The following MMP16 variants were observed in gnomAD, a reference collection of about 807,000 sequenced individuals.
MMP16 encodes matrix metallopeptidase 16, also known as matrix metalloproteinase-16.
In MMP16, 12 loss-of-function variants were observed where a neutral mutation model predicts 67.8. The observed-to-expected ratio is 0.18, with a 90% CI of 0.11 to 0.29. The LOEUF (loss-of-function observed/expected upper bound fraction) is 0.29. MMP16 is among the 10% of genes least tolerant of loss of function. The pLI is 1.00. For synonymous variants in MMP16, 249 were observed against 255.9 expected (o/e 0.97, Z 0.26); for missense variants, 475 against 765.7 (o/e 0.62, Z 4.48).
At chr8:88,059,808 CTT>C (rs113670595) in intron 7 of MMP16, among the ~76,000 whole-genome samples, 3 of 151,990 alleles carry the variant, frequency 2.0e-5, no homozygotes, top group African/African-American at 4.8e-5. Flanking sequence ...ATGTCTCTCT[CTT>C]GGGAAGATGA....
intron 1 of MMP16, among the ~76,000 whole-genome samples, chr8:88,310,834 T>A (rs1329173042): frequency 6.6e-6 from 1 of 152,170 alleles, no homozygotes; most frequent in Non-Finnish European, 1.5e-5. Context: ...CTAGCAAGTA[T>A]AAATTTGGCC....
chr8:88,309,557 C>T (rs780292514), intron 1 of MMP16, among the ~76,000 whole-genome samples: 8 of 151,892 alleles, frequency 5.3e-5, no homozygotes, highest in Non-Finnish European at 1.2e-4. Context: ...AGATGGACGT[C>T]CTCAAAGAAA....
rs901055894 is a variant in MMP16 at position 88,037,502 on chromosome 8, C to G, written c.*3959G>C. On this transcript the variant is annotated 3_prime_UTR_variant, in exon 10 of 10. Transcript: ENST00000286614. ...AATTTATCACATCGATTCAGAAAAG[C>G]CTTGCCCTCTGATTTATAACAGAAG... 1 of 151,958 alleles carries G rather than the reference C, an allele frequency of 6.6e-6. No homozygotes were observed. The highest frequency in any genetic ancestry group is 2.1e-4 in the South Asian group (1 of 4,828). The allele number at this position is 151,958 out of a possible 1,614,324, so 9.4% of individuals were successfully genotyped here.
At chr8:88,096,146 A>C (rs528818140) in intron 6 of MMP16, among the ~76,000 whole-genome samples, 7 of 152,080 alleles carry the variant, frequency 4.6e-5, no homozygotes, top group Non-Finnish European at 8.8e-5. Flanking sequence ...TATTTGGCAG[A>C]CAATATGATA....
intron 6 of MMP16, among the ~76,000 whole-genome samples, chr8:88,094,938 C>CTTTGG (rs1809000712): frequency 6.6e-6 from 1 of 151,780 alleles, no homozygotes; most frequent in Non-Finnish European, 1.5e-5. Flanking sequence ...AGTTTTCTTT[C>CTTTGG]TTTGGCCTTC....
intron 1 of MMP16, among the ~76,000 whole-genome samples, chr8:88,202,473 T>C (rs1024087923): frequency 6.6e-6 from 1 of 152,162 alleles, no homozygotes; most frequent in Non-Finnish European, 1.5e-5. Flanking sequence ...TGAGCCCCAG[T>C]GTTAAAAAGA....
At chr8:88,318,627 C>T (rs189898051) in intron 1 of MMP16, among the ~76,000 whole-genome samples, 2 of 152,250 alleles carry the variant, frequency 1.3e-5, no homozygotes, top group East Asian at 1.9e-4. Context: ...TAGGCTATCC[C>T]ACTTCAGCAC....
In MMP16 at chr8:88,325,241, C is replaced by T. The variant is rs116483765; in HGVS notation, c.132+1834G>A. On this transcript the variant is annotated intron_variant, in intron 1 of 9. Coordinates refer to ENST00000286614, the MANE Select transcript of MMP16 (RefSeq NM_005941.5). The stretch of plus-strand genomic sequence containing the variant: ...ACTTTTTTGCATAATAATATCTGAA[C>T]TTACTGAGGGATTCCAATATAAAGA... Among the ~76,000 whole-genome samples the T allele has an allele frequency of 5.6e-3, 851 of 152,272 alleles. 6 individuals carry two copies. The highest frequency in any genetic ancestry group is 0.019 in the African/African-American group (809 of 41,542).
At chr8:88,161,193 G>T (rs1429573649) in intron 4 of MMP16, among the ~76,000 whole-genome samples, 1 of 152,096 alleles carries the variant, frequency 6.6e-6, no homozygotes, top group Non-Finnish European at 1.5e-5. Context: ...TTTTTTGGTT[G>T]GTAGGCTATT....
chr8:88,185,877 C>T (rs1475845732), intron 3 of MMP16, among the ~76,000 whole-genome samples: 1 of 152,040 alleles, frequency 6.6e-6, no homozygotes, highest in Admixed American at 6.6e-5. Flanking sequence ...AAACAGGGTC[C>T]TCATGTTTTA....
intron 7 of MMP16, among the ~76,000 whole-genome samples, chr8:88,061,196 C>T (rs987088080): frequency 5.3e-5 from 8 of 151,186 alleles, no homozygotes; most frequent in East Asian, 3.9e-4. Flanking sequence ...GCCCAGATCA[C>T]TTCCTTGCCA....
At chr8:88,047,222 A>T (rs1808210685) in intron 8 of MMP16, among the ~76,000 whole-genome samples, 1 of 152,180 alleles carries the variant, frequency 6.6e-6, no homozygotes, top group African/African-American at 2.4e-5. Flanking sequence ...CTTAAGCAGA[A>T]TCTTGATTTA....
chr8:88,082,823 A>C (rs1808774648), intron 6 of MMP16, among the ~76,000 whole-genome samples: 1 of 150,294 alleles, frequency 6.7e-6, no homozygotes, highest in Admixed American at 6.7e-5. Context: ...AATTGTTAAA[A>C]ATAAAAAAAA....
intron 6 of MMP16, among the ~76,000 whole-genome samples, chr8:88,087,312 C>T (rs564509266): frequency 6.6e-6 from 1 of 152,014 alleles, no homozygotes; most frequent in Non-Finnish European, 1.5e-5. Context: ...CTAGGCTTCA[C>T]CTCCTCTGGG....
At position 88,033,892 on chromosome 8, in the gene MMP16, C is replaced by T. The variant is rs1290522929; in HGVS notation, c.*7569G>A. 6.6e-6 allele frequency: 1 copy of T among 151,974 alleles called. No homozygotes were observed. The highest frequency in any genetic ancestry group is 1.5e-5 in the Non-Finnish European group (1 of 67,950). 9.4% of individuals were successfully genotyped at this position (151,974 alleles called of 1,614,324 possible). ...TAGACCAAAGGATGAAGGTTTTAGG[C>T]ATTTATGTACCCATGATGTACCTTA... On this transcript the variant is annotated 3_prime_UTR_variant, in exon 10 of 10. Transcript: ENST00000286614.
chr8:88,033,530 G>T lies in MMP16; in HGVS notation c.*7931C>A, dbSNP rs1330157581. The T allele has an allele frequency of 6.6e-6, 1 of 151,718 alleles. No homozygotes were observed. Among genetic ancestry groups the T allele is most frequent in the African/African-American group, 2.4e-5 (1 of 41,360 alleles). The allele number at this position is 151,718 out of a possible 1,614,324, so 9.4% of individuals were successfully genotyped here. A position where few individuals can be genotyped will look rare whatever the true frequency, so the allele number is the denominator to read the frequency against. On this transcript the variant is annotated 3_prime_UTR_variant, in exon 10 of 10. Coordinates refer to ENST00000286614, the MANE Select transcript of MMP16 (RefSeq NM_005941.5). ...TTTTAAAAAAGCATCAACCAACTAT[G>T]AACTAATTAGATTTTATGTTTTTGT...
chr8:88,106,051 GTATATATATA>G (rs34758855), intron 6 of MMP16, among the ~76,000 whole-genome samples: 1 of 145,400 alleles, frequency 6.9e-6, no homozygotes, highest in Admixed American at 6.9e-5. Context: ...TACACGTTAT[GTATATATATA>G]TATATATATA....
intron 9 of MMP16, among the ~76,000 whole-genome samples, chr8:88,043,831 A>G (rs1808164823): frequency 6.6e-6 from 1 of 152,228 alleles, no homozygotes; most frequent in Admixed American, 6.5e-5. Flanking sequence ...TTACTCAACA[A>G]GCTTGGATGA....
At chr8:88,218,226 G>C (rs1254545355) in intron 1 of MMP16, among the ~76,000 whole-genome samples, 1 of 151,804 alleles carries the variant, frequency 6.6e-6, no homozygotes, top group African/African-American at 2.4e-5. Flanking sequence ...GTACAGTAGT[G>C]GGAAAATATG....
Sources: gnomAD v4.1 joint callset for allele counts (sites outside exome capture counted in the v4.1 genomes callset) on GRCh38, gnomAD v4.1.1 for gene constraint, MANE v1.5 for transcripts, NCBI Gene and HGNC (gene_info 2026-07-23, HGNC 2026-07-21) for gene names.